Variants in PELI2 observed in about 807,000 individuals in gnomAD.
PELI2 encodes pellino E3 ubiquitin protein ligase family member 2.
PELI2 carries 23 observed loss-of-function variants against 42.3 expected under a neutral mutation model. The ratio of observed to expected loss-of-function variants is 0.54; its 90% confidence interval spans 0.39 to 0.77. The LOEUF is 0.77. Among genes scored for constraint, PELI2 ranks in the 30% least tolerant of loss-of-function variants. PELI2 has a pLI of 0.00. For synonymous variants in PELI2, 245 were observed against 212.2 expected, an observed-to-expected ratio of 1.15 and a Z score of -1.34; for missense variants, 463 against 553.2, an observed-to-expected ratio of 0.84 and a Z score of 1.64.
At chr14:56,194,185 C>T (rs1886049787) in intron 2 of PELI2, among the ~76,000 whole-genome samples, 1 of 152,140 alleles carries the variant, frequency 6.6e-6, no homozygotes, top group African/African-American at 2.4e-5. Context: ...ACTATGAATA[C>T]ACAGTTTACT....
At chr14:56,212,402 G>C (rs1309680133) in intron 2 of PELI2, among the ~76,000 whole-genome samples, 1 of 152,198 alleles carries the variant, frequency 6.6e-6, no homozygotes, top group Admixed American at 6.5e-5. Context: ...CTTAGCCTCT[G>C]CTCCTTAAGA....
At chr14:56,205,460 C>G (rs923927898) in intron 2 of PELI2, among the ~76,000 whole-genome samples, 3 of 151,948 alleles carry the variant, frequency 2.0e-5, no homozygotes, top group Non-Finnish European at 4.4e-5. Context: ...TGAGCTGGAT[C>G]CTAGAGAAGG....
rs2139921066 is a variant in PELI2, at chr14:56,300,810, G to A, written c.*3644G>A. On this transcript the variant is annotated 3_prime_UTR_variant, in exon 6 of 6. Transcript: ENST00000267460. Reference sequence around the variant, plus strand: ...CCAGTAGTTTAGCCTTTGTGGCTTAGGTTATGATGCGCCTCCTTCTGTGCG... The same window carrying A: ...CCAGTAGTTTAGCCTTTGTGGCTTAAGTTATGATGCGCCTCCTTCTGTGCG... 1 of 152,188 alleles carries A rather than the reference G, an allele frequency of 6.6e-6. No individual in the cohort carries two copies. Among genetic ancestry groups the A allele is most frequent in the African/African-American group, 2.4e-5 (1 of 41,522 alleles). The allele number at this position is 152,188 out of a possible 1,614,324, so 9.4% of individuals were successfully genotyped here.
At chr14:56,136,105 T>C (rs530148212) in intron 1 of PELI2, among the ~76,000 whole-genome samples, 11 of 152,352 alleles carry the variant, frequency 7.2e-5, no homozygotes, top group African/African-American at 2.6e-4. Flanking sequence ...GTTATTCTTA[T>C]AGATAAAATT....
At chr14:56,262,597 C>T (rs1273412509) in intron 2 of PELI2, among the ~76,000 whole-genome samples, 1 of 152,134 alleles carries the variant, frequency 6.6e-6, no homozygotes, top group Admixed American at 6.6e-5. Context: ...AGAATGTATT[C>T]TCACAATGTG....
chr14:56,270,781 T>C (rs1889076491), intron 2 of PELI2, among the ~76,000 whole-genome samples: 1 of 152,210 alleles, frequency 6.6e-6, no homozygotes, highest in Non-Finnish European at 1.5e-5. Context: ...ATAAAGGTAG[T>C]AGTTGAAAGA....
rs992356393 is a variant in PELI2, at chr14:56,298,027, A to G, written c.*861A>G. The G allele has an allele frequency of 1.4e-4, 22 of 152,074 alleles. No individual in the cohort carries two copies. Among genetic ancestry groups the G allele is most frequent in the Non-Finnish European group, 2.6e-4 (18 of 67,982 alleles). The allele number at this position is 152,074 out of a possible 1,614,324, so 9.4% of individuals were successfully genotyped here. On this transcript the variant is annotated 3_prime_UTR_variant, in exon 6 of 6. Transcript: ENST00000267460. ...ACTATACTACCATGTTTATTTGCTG[A>G]CTGAATTAAGATTTAAGAATGATTA...
At chr14:56,228,960 C>G (rs576920901) in intron 2 of PELI2, among the ~76,000 whole-genome samples, 24 of 152,370 alleles carry the variant, frequency 1.6e-4, no homozygotes, top group African/African-American at 5.0e-4. Flanking sequence ...TATCCCACAC[C>G]TGGCTTGGGG....
chr14:56,121,540 T>C (rs1883059491), intron 1 of PELI2, among the ~76,000 whole-genome samples: 1 of 152,156 alleles, frequency 6.6e-6, no homozygotes, highest in African/African-American at 2.4e-5. Flanking sequence ...TAACTGAAGG[T>C]AGAGAAAAAT....
intron 2 of PELI2, among the ~76,000 whole-genome samples, chr14:56,272,114 A>C (rs531688258): frequency 1.3e-5 from 2 of 152,346 alleles, no homozygotes; most frequent in Non-Finnish European, 2.9e-5. Flanking sequence ...AAAGAAGACT[A>C]TGCAGAGTGT....
chr14:56,168,266 C>T (rs866271234), intron 1 of PELI2, among the ~76,000 whole-genome samples: 1 of 152,140 alleles, frequency 6.6e-6, no homozygotes, highest in South Asian at 2.1e-4. Context: ...GCAGCGTGCC[C>T]CCCCCCAGAC....
chr14:56,249,081 T>C (rs532470958), intron 2 of PELI2, among the ~76,000 whole-genome samples: 2 of 152,262 alleles, frequency 1.3e-5, no homozygotes, highest in Admixed American at 1.3e-4. Flanking sequence ...GAATTGGCCA[T>C]GGGATATAGA....
At chr14:56,271,081 A>G (rs1299989511) in intron 2 of PELI2, among the ~76,000 whole-genome samples, 2 of 152,182 alleles carry the variant, frequency 1.3e-5, no homozygotes, top group East Asian at 1.9e-4. Flanking sequence ...TGCAGTTAGT[A>G]TCATGCCTCA....
intron 2 of PELI2, among the ~76,000 whole-genome samples, chr14:56,191,321 G>A (rs980308192): frequency 1.4e-4 from 21 of 152,184 alleles, no homozygotes; most frequent in Middle Eastern, 3.2e-3. Context: ...AGAGACAGAT[G>A]GAAGTTTTTA....
In PELI2 at chr14:56,148,758, C is replaced by G. The variant is rs143255975; in HGVS notation, c.78-29577C>G. On this transcript the variant is annotated intron_variant, in intron 1 of 5. Transcript: ENST00000267460. The stretch of plus-strand genomic sequence containing the variant: ...GTAGCAGTGTGTTTGCTTCTGCTCC[C>G]CTGCTGAACTGTGTTCTCCTGGTAG... 9.2e-3 allele frequency among the ~76,000 whole-genome samples: 1,407 copies of G among 152,316 alleles called. 5 individuals carry two copies. Among genetic ancestry groups the G allele is most frequent in the Non-Finnish European group, 0.014 (954 of 68,038 alleles).
chr14:56,206,703 C>T (rs543578722), intron 2 of PELI2, among the ~76,000 whole-genome samples: 12 of 152,020 alleles, frequency 7.9e-5, no homozygotes, highest in African/African-American at 2.7e-4. Context: ...CCTCCTTGAT[C>T]GTTTTTTTTG....
At chr14:56,194,642 C>G (rs536925095) in intron 2 of PELI2, among the ~76,000 whole-genome samples, 3 of 152,302 alleles carry the variant, frequency 2.0e-5, no homozygotes, top group Admixed American at 2.0e-4. Flanking sequence ...TCACATGAAG[C>G]ATGTCTGCTC....
intron 2 of PELI2, among the ~76,000 whole-genome samples, chr14:56,189,273 G>GT (rs1409683955): frequency 6.6e-6 from 1 of 152,204 alleles, no homozygotes; most frequent in Non-Finnish European, 1.5e-5. Context: ...TTACTACTCA[G>GT]TTTTTGTCCA....
rs1164049374 is a variant in PELI2, at chr14:56,219,447, C to T, written c.207+40983C>T. Among the ~76,000 whole-genome samples the T allele has an allele frequency of 6.6e-6, 1 of 152,166 alleles. No individual in the cohort carries two copies. Among genetic ancestry groups the T allele is most frequent in the African/African-American group, 2.4e-5 (1 of 41,428 alleles). On this transcript the variant is annotated intron_variant, in intron 2 of 5. Transcript: ENST00000267460. The surrounding 1 kb of genome is among the most constrained non-coding windows in gnomAD (Gnocchi z 4.1). ...CCATCTTTTTAACATCCTTTCCTCTCGCAGTAACTACAGCATGATTTGTTT... is the reference window on the plus strand; with the variant it reads ...CCATCTTTTTAACATCCTTTCCTCTTGCAGTAACTACAGCATGATTTGTTT...
Sources: allele counts gnomAD v4.1 joint callset (sites outside exome capture counted in the v4.1 genomes callset), GRCh38; gene constraint gnomAD v4.1.1; non-coding constraint Gnocchi (gnomAD v3.1); transcripts MANE v1.5; gene names NCBI Gene and HGNC (gene_info 2026-07-23, HGNC 2026-07-21).